ZNF438: variants seen among roughly 807,000 people sequenced by gnomAD.
ZNF438 encodes zinc finger protein 438.
In ZNF438, 25 loss-of-function variants were observed where a neutral mutation model predicts 38.0. The observed-to-expected ratio is 0.66, with a 90% CI of 0.48 to 0.92. ZNF438 has a LOEUF of 0.92. Among genes scored for constraint, ZNF438 ranks in the 40% least tolerant of loss-of-function variants. The probability of loss-of-function intolerance (pLI) is 0.00; values close to 1 mark genes in which losing one functional copy is unlikely to be tolerated. For synonymous variants in ZNF438, 372 were observed against 364.1 expected, an observed-to-expected ratio of 1.02 and a Z score of -0.25; for missense variants, 1,007 against 999.6, an observed-to-expected ratio of 1.01 and a Z score of -0.10.
At position 30,999,876 on chromosome 10, in the gene ZNF438, T is replaced by C. The variant is rs557306665; in HGVS notation, c.-192+31957A>G. The stretch of plus-strand genomic sequence containing the variant: ...CATAGGGAGGAAGCTACCTATCCAA[T>C]TTCTTTCCCATTGCTGGTTTATAGT... On this transcript the variant is annotated intron_variant, in intron 1 of 5. Transcript: ENST00000413025. Among the ~76,000 whole-genome samples the C allele has an allele frequency of 5.9e-5, 9 of 152,344 alleles. 1 individual carries two copies. The East Asian group carries it at 1.7e-3, about 29-fold the overall frequency.
chr10:30,926,023 T>C (rs1324554354), intron 2 of ZNF438, among the ~76,000 whole-genome samples: 8 of 152,110 alleles, frequency 5.3e-5, no homozygotes, highest in Admixed American at 2.0e-4. Flanking sequence ...GAGAAAAGGA[T>C]AGAAAGGTAC....
chr10:30,886,416 C>A (rs186168589), intron 3 of ZNF438, among the ~76,000 whole-genome samples: 21 of 152,222 alleles, frequency 1.4e-4, no homozygotes, highest in African/African-American at 4.8e-4. Flanking sequence ...ATTTCATGTA[C>A]CCATTTACAG....
At chr10:30,982,763 A>G (rs2052353718) in intron 1 of ZNF438, among the ~76,000 whole-genome samples, 1 of 152,230 alleles carries the variant, frequency 6.6e-6, no homozygotes, top group Non-Finnish European at 1.5e-5. Context: ...TCAGCAAACT[A>G]CAAAGTTTCC....
chr10:30,860,659 A>T (rs2133133045), intron 4 of ZNF438, among the ~76,000 whole-genome samples: 1 of 152,240 alleles, frequency 6.6e-6, no homozygotes, highest in South Asian at 2.1e-4. Context: ...ACCCACTCCC[A>T]CTTGCCCTTC....
chr10:31,007,550 G>T (rs569240126), intron 1 of ZNF438, among the ~76,000 whole-genome samples: 326 of 152,206 alleles, frequency 2.1e-3, no homozygotes, highest in African/African-American at 7.6e-3. Context: ...AAAGTGCTGG[G>T]ATTACAGGCG....
At chr10:30,867,446 T>C (rs1243355546) in intron 4 of ZNF438, among the ~76,000 whole-genome samples, 1 of 152,206 alleles carries the variant, frequency 6.6e-6, no homozygotes, top group Admixed American at 6.5e-5. Context: ...TGAGCTGTTA[T>C]TTCAAAATGA....
chr10:30,849,154 ATTT>A, exon 5 of ZNF438: 1 of 1,613,632 alleles, frequency 6.2e-7, no homozygotes, highest in Non-Finnish European at 8.5e-7. Context: ...CTTGGGGATC[ATTT>A]TTTACTCTTT....
chr10:30,898,245 C>T (rs1259367159), intron 3 of ZNF438, among the ~76,000 whole-genome samples: 1 of 152,064 alleles, frequency 6.6e-6, no homozygotes, highest in African/African-American at 2.4e-5. Flanking sequence ...TTACAGAATA[C>T]AACTTAAAAC....
At chr10:30,877,197 G>C (rs112596525) in intron 3 of ZNF438, 132 bp from the exon 5 acceptor site, 7 of 454,934 alleles carry the variant, frequency 1.5e-5, no homozygotes, top group African/African-American at 1.2e-4. Flanking sequence ...GAAATGGATT[G>C]AGCTATTAAG....
intron 2 of ZNF438, among the ~76,000 whole-genome samples, chr10:30,930,536 C>T (rs995657998): frequency 9.9e-5 from 15 of 152,078 alleles, no homozygotes; most frequent in South Asian, 8.3e-4. Flanking sequence ...CCAGAGTGGA[C>T]GCCATGGCCT....
At chr10:30,940,056 G>A (rs1195905281) in intron 2 of ZNF438, among the ~76,000 whole-genome samples, 1 of 152,196 alleles carries the variant, frequency 6.6e-6, no homozygotes, top group African/African-American at 2.4e-5. Flanking sequence ...ATTTTCCTAG[G>A]AGAAGATGGC....
chr10:30,935,730 T>TA (rs1361106183), intron 2 of ZNF438, among the ~76,000 whole-genome samples: 11 of 152,138 alleles, frequency 7.2e-5, no homozygotes, highest in Non-Finnish European at 2.9e-5. Context: ...TCAGGAAACT[T>TA]ACAATCATGG....
At chr10:30,973,121 C>G (rs1036229615) in intron 1 of ZNF438, among the ~76,000 whole-genome samples, 1 of 152,198 alleles carries the variant, frequency 6.6e-6, no homozygotes, top group Admixed American at 6.5e-5. Flanking sequence ...CGCTGTAGTT[C>G]TAGAAGACTT....
intron 1 of ZNF438, among the ~76,000 whole-genome samples, chr10:31,004,506 T>A (rs1256881493): frequency 6.6e-6 from 1 of 152,086 alleles, no homozygotes; most frequent in Non-Finnish European, 1.5e-5. Context: ...TGCTAAGACA[T>A]CAAATAACAC....
At chr10:30,875,284 C>A (rs2994665) in intron 4 of ZNF438, 160 of 985,256 alleles carry the variant, frequency 1.6e-4, no homozygotes, top group Non-Finnish European at 1.9e-4. Flanking sequence ...CCCTCTGTAT[C>A]AGCCAGAGCC....
chr10:30,973,004 C>T (rs935034101), intron 1 of ZNF438, among the ~76,000 whole-genome samples: 1 of 152,144 alleles, frequency 6.6e-6, no homozygotes, highest in Admixed American at 6.5e-5. Flanking sequence ...ACAGAAAGCA[C>T]ATGTATCAAC....
intron 1 of ZNF438, among the ~76,000 whole-genome samples, chr10:31,031,271 T>A (rs1470122777): frequency 1.3e-5 from 2 of 152,238 alleles, no homozygotes; most frequent in African/African-American, 4.8e-5. Flanking sequence ...ATCTCACGTG[T>A]TCCTAGTGCT....
rs1301121415 is a variant in ZNF438, at chr10:30,859,006, G to A, written c.38-8639C>T. 2.0e-5 allele frequency among the ~76,000 whole-genome samples: 3 copies of A among 152,128 alleles called. No homozygotes were observed. In the South Asian group the frequency reaches 6.2e-4, roughly 32 times the overall value. Reference sequence around the variant, plus strand: ...ATCCCAATGATAAGCAGATTTTATGGGTTAGGTACTGTGCAAAATATATAA... The same window carrying A: ...ATCCCAATGATAAGCAGATTTTATGAGTTAGGTACTGTGCAAAATATATAA... On this transcript the variant is annotated intron_variant, in intron 4 of 5. Coordinates refer to ENST00000413025, the Ensembl canonical transcript of ZNF438.
At chr10:30,990,582 T>C (rs1166739150) in intron 1 of ZNF438, among the ~76,000 whole-genome samples, 1 of 152,206 alleles carries the variant, frequency 6.6e-6, no homozygotes, top group Non-Finnish European at 1.5e-5. Context: ...CTAAACTTCA[T>C]TAAATTCTAT....
Sources: allele counts gnomAD v4.1 joint callset (sites outside exome capture counted in the v4.1 genomes callset), GRCh38; gene constraint gnomAD v4.1.1; transcripts MANE v1.5; gene names NCBI Gene and HGNC (gene_info 2026-07-23, HGNC 2026-07-21).